MYH11: variants seen among roughly 807,000 people sequenced by gnomAD.
The protein encoded by MYH11 is myosin-11.
In MYH11, 80 loss-of-function variants were observed where a neutral mutation model predicts 246.6. The ratio of observed to expected loss-of-function variants is 0.32; its 90% CI spans 0.27 to 0.39. The LOEUF (loss-of-function observed/expected upper bound fraction) is 0.39, where lower values mean the gene tolerates loss of function less well. Among genes scored for constraint, MYH11 ranks in the 10% least tolerant of loss-of-function variants. MYH11 has a pLI of 1.00. For synonymous variants in MYH11, 1,071 were observed against 1,015.5 expected (o/e 1.05, Z -1.04); for missense variants, 2,158 against 2,546.8 (o/e 0.85, Z 3.29).
chr16:15,856,501 AT>A (rs1159577361), intron 1 of MYH11, among the ~76,000 whole-genome samples: 4 of 151,948 alleles, frequency 2.6e-5, no homozygotes, highest in Non-Finnish European at 5.9e-5. Context: ...TCAGCTGTAA[AT>A]TTTTTGGTGC....
In MYH11 at chr16:15,749,772, C is replaced by T. The variant is rs77113602; in HGVS notation, c.2058+366G>A. 5.9e-3 allele frequency: 2,243 copies of T among 379,864 alleles called. 46 individuals are homozygous for T. Among genetic ancestry groups the T allele is most frequent in the African/African-American group, 0.043 (2,101 of 49,428 alleles). The allele number at this position is 379,864 out of a possible 1,614,324, so 23.5% of individuals were successfully genotyped here. A position where few individuals can be genotyped will look rare whatever the true frequency, so the allele number is the denominator to read the frequency against. The stretch of plus-strand genomic sequence containing the variant: ...AGCATGTCCATATAGAGGACACAAT[C>T]GCCCCAAGCTGAAGATGCCTGCACC... On this transcript the variant is annotated intron_variant, in intron 16 of 40. Transcript: ENST00000300036.
chr16:15,763,741 T>TCGCGCCCCCC, intron 10 of MYH11, 55 bp downstream of exon 10: 1 of 646,858 alleles, frequency 1.5e-6, no homozygotes, highest in Non-Finnish European at 2.9e-6. Flanking sequence ...AAATGTCACC[T>TCGCGCCCCCC]CCCCCACCCC....
intron 27 of MYH11, among the ~76,000 whole-genome samples, chr16:15,732,086 C>G (rs1022500991): frequency 1.3e-5 from 2 of 152,090 alleles, no homozygotes; most frequent in Admixed American, 1.3e-4. Context: ...CTCAGCCTCC[C>G]GAGTAGCTGG....
At position 15,760,524 on chromosome 16, in the gene MYH11, A is replaced by G. The variant is rs745873166; in HGVS notation, c.1248+16T>C. Reference sequence around the variant, plus strand: ...GGGTGGGTGCATGGATGGATAAGTGATAAGTACATCATTACCTGTTCTTTT... The same window carrying G: ...GGGTGGGTGCATGGATGGATAAGTGGTAAGTACATCATTACCTGTTCTTTT... On this transcript the variant is annotated intron_variant, in intron 11 of 40. Coordinates refer to ENST00000300036, the MANE Select transcript of MYH11 (RefSeq NM_002474.3). 15 of 1,561,878 alleles carry G rather than the reference A, an allele frequency of 9.6e-6. No homozygotes were observed. In the South Asian group the frequency reaches 1.3e-4, roughly 14 times the overall value.
rs1169650486 is a variant in MYH11 at position 15,750,693 on chromosome 16, G to C, written c.1865-362C>G. On this transcript the variant is annotated intron_variant, in intron 15 of 40. Coordinates refer to ENST00000300036, the MANE Select transcript of MYH11 (RefSeq NM_002474.3). The surrounding 1 kb of genome is among the most constrained non-coding windows in gnomAD (Gnocchi z 4.3). ...CTAGGGCAGGGGTAAAAAAAAATAA[G>C]GCACAGAAGGCACTTATTCCCTGCC... 6.6e-6 allele frequency among the ~76,000 whole-genome samples: 1 copy of C among 151,946 alleles called. No homozygotes were observed. Among genetic ancestry groups the C allele is most frequent in the Non-Finnish European group, 1.5e-5 (1 of 67,998 alleles).
At chr16:15,751,121 T>G (rs1425281668) in intron 15 of MYH11, among the ~76,000 whole-genome samples, 3 of 28,154 alleles carry the variant, frequency 1.1e-4, no homozygotes, top group African/African-American at 3.5e-4. Context: ...AAAGTAGGTA[T>G]TATTATTATT....
Position 15,708,764 on chromosome 16 carries a change from C to G in MYH11, c.5787-4641G>C, listed in dbSNP as rs985428245. The stretch of plus-strand genomic sequence containing the variant: ...GCATTGGGCAGAAAAGAAATGGATA[C>G]TGAGACAACACACAGCTGCGAAGCT... On this transcript the variant is annotated intron_variant, in intron 40 of 40. Coordinates refer to ENST00000300036, the MANE Select transcript of MYH11 (RefSeq NM_002474.3). The G allele has an allele frequency of 3.8e-6, 6 of 1,590,946 alleles. No individual in the cohort carries two copies. In the African/African-American group the frequency reaches 8.0e-5, roughly 21 times the overall value.
chr16:15,777,104 TACACACAC>T (rs111888764), intron 7 of MYH11, among the ~76,000 whole-genome samples: 3 of 147,878 alleles, frequency 2.0e-5, no homozygotes, highest in Non-Finnish European at 4.5e-5. Flanking sequence ...CACGCACACA[TACACACAC>T]ACACACACAC....
chr16:15,723,078 T>C (rs1185581458), intron 31 of MYH11, among the ~76,000 whole-genome samples: 5 of 152,162 alleles, frequency 3.3e-5, no homozygotes, highest in Non-Finnish European at 7.3e-5. Context: ...CCTGAGTCAC[T>C]TGTAAACTAA....
intron 3 of MYH11, among the ~76,000 whole-genome samples, chr16:15,803,081 G>C (rs2042924961): frequency 6.6e-6 from 1 of 151,628 alleles, no homozygotes; most frequent in Admixed American, 6.6e-5. Flanking sequence ...AGGTTGCAGT[G>C]AGTTGAGATT....
chr16:15,733,663 C>G (rs1018502801), intron 26 of MYH11, among the ~76,000 whole-genome samples: 20 of 152,166 alleles, frequency 1.3e-4, no homozygotes, highest in African/African-American at 4.3e-4. Context: ...CTGCCTCAGT[C>G]TCCCAAGTAG....
In MYH11 at chr16:15,720,279, G is replaced by T. The variant is rs1055960218; in HGVS notation, c.4825C>A (p.Arg1609=). Residue 1609 remains arginine (R), a synonymous_variant, in exon 34 of 41, where the codon CGA becomes AGA. Transcript: ENST00000300036. ...HEYETELEDE[R]KQRALAAAAK... is the part of the protein sequence containing the mutation. ...GCAGCTGCCAGGGCACGTTGCTTTC[G>T]CTCGTCTTCCAGTTCCGTCTCATAC... 3.1e-6 allele frequency: 5 copies of T among 1,614,060 alleles called. No homozygotes were observed. The highest frequency in any genetic ancestry group is 1.7e-5 in the Admixed American group (1 of 59,992).
Position 15,741,805 on chromosome 16 carries a change from C to T in MYH11, c.2607G>A (p.Gln869=). 1 of 1,614,242 alleles carries T rather than the reference C, an allele frequency of 6.2e-7. No homozygotes were observed. Among genetic ancestry groups the T allele is most frequent in the Non-Finnish European group, 8.5e-7 (1 of 1,180,052 alleles). ...GCTCCTTAAGCTCATTCTCTGCCTT[C>T]TGCTGCCGCTCCTTGGTCTTCTGCA... ...DELQKTKERQ[Q]KAENELKELE... Residue 869 remains glutamine, a synonymous_variant, in exon 21 of 41, where the codon CAG becomes CAA. Coordinates refer to ENST00000300036, the MANE Select transcript of MYH11 (RefSeq NM_002474.3).
intron 9 of MYH11, among the ~76,000 whole-genome samples, chr16:15,768,332 G>A (rs1194307770): frequency 6.6e-6 from 1 of 152,138 alleles, no homozygotes; most frequent in African/African-American, 2.4e-5. Context: ...CAGGCATGGT[G>A]GCGCATGAGG....
Position 15,721,626 on chromosome 16 carries a change from G to A in MYH11, c.4374C>T (p.Ala1458=), listed in dbSNP as rs767066866. The change falls in exon 32 of 41, where the codon GCC becomes GCT. Residue 1458 remains alanine, a synonymous_variant. Coordinates refer to ENST00000300036, the MANE Select transcript of MYH11 (RefSeq NM_002474.3). ...KKQRKFDQLL[A]EEKNISSKYA... is the part of the protein sequence containing the mutation. ...ATTTGGAAGAGATGTTTTTCTCCTC[G>A]GCTAACAACTACAACACAAGACCCA... The A allele has an allele frequency of 5.9e-5, 95 of 1,614,084 alleles. No homozygotes were observed. The highest frequency in any genetic ancestry group is 6.5e-5 in the Non-Finnish European group (77 of 1,180,024).
intron 3 of MYH11, among the ~76,000 whole-genome samples, chr16:15,817,233 T>A (rs1250432695): frequency 1.3e-5 from 2 of 152,210 alleles, no homozygotes; most frequent in African/African-American, 4.8e-5. Context: ...GGCTCATGCC[T>A]GTAATCTCAG....
chr16:15,722,893 G>A (rs1205271617), intron 31 of MYH11, among the ~76,000 whole-genome samples: 4 of 152,116 alleles, frequency 2.6e-5, no homozygotes, highest in African/African-American at 7.2e-5. Flanking sequence ...ACAGGCGTGC[G>A]CCACCACGCC....
At chr16:15,763,956 G>A (rs578059240) in intron 9 of MYH11, 65 bp from the exon 10 acceptor site, 4 of 1,353,502 alleles carry the variant, frequency 3.0e-6, no homozygotes, top group African/African-American at 2.9e-5. Flanking sequence ...TGGAGTTTTG[G>A]AGCCTAAAGC....
chr16:15,773,491 G>T (rs777958841), intron 8 of MYH11, among the ~76,000 whole-genome samples: 4 of 151,830 alleles, frequency 2.6e-5, no homozygotes, highest in Admixed American at 1.3e-4. Flanking sequence ...TCATCATGTT[G>T]GCTAGTCTAG....
Sources: gnomAD v4.1 joint callset for allele counts (sites outside exome capture counted in the v4.1 genomes callset) on GRCh38, gnomAD v4.1.1 for gene constraint, Gnocchi (gnomAD v3.1) non-coding constraint, MANE v1.5 for transcripts, NCBI Gene and HGNC (gene_info 2026-07-23, HGNC 2026-07-21) for gene names.